The following ANXA7 variants were observed in gnomAD, a reference collection of about 807,000 sequenced individuals.
The protein encoded by ANXA7 is annexin VII.
ANXA7 carries 55 observed loss-of-function variants against 64.9 expected under a neutral mutation model. The ratio of observed to expected loss-of-function variants is 0.85; its 90% CI spans 0.68 to 1.06. The LOEUF (loss-of-function observed/expected upper bound fraction) is 1.06. ANXA7 is among the 50% of genes least tolerant of loss of function. The pLI, the probability that ANXA7 is intolerant of heterozygous loss-of-function variation, is 0.00. For synonymous variants in ANXA7, 200 were observed against 192.4 expected (o/e 1.04, Z -0.33); for missense variants, 548 against 582.1 (o/e 0.94, Z 0.60).
At chr10:73,410,566 T>C (rs1051423412) in intron 1 of ANXA7, among the ~76,000 whole-genome samples, 3 of 152,116 alleles carry the variant, frequency 2.0e-5, no homozygotes, top group African/African-American at 7.2e-5. Context: ...GGCGATCACC[T>C]GAGGTTGGGA....
At chr10:73,396,054 T>C in intron 5 of ANXA7, 1 of 1,588,842 alleles carries the variant, frequency 6.3e-7, no homozygotes, top group Non-Finnish European at 8.6e-7. Flanking sequence ...TTCACTGCTA[T>C]AATCCAAAGA....
At chr10:73,396,206 T>C in intron 5 of ANXA7, 1 of 795,234 alleles carries the variant, frequency 1.3e-6, no homozygotes, top group South Asian at 1.6e-5. Flanking sequence ...GCCACCCAAA[T>C]TCATAGGTGT....
chr10:73,411,903 G>A (rs2132708451), intron 1 of ANXA7, among the ~76,000 whole-genome samples: 1 of 151,100 alleles, frequency 6.6e-6, no homozygotes, highest in South Asian at 2.1e-4. Flanking sequence ...AAACTGCATA[G>A]TGTGCTGCCA....
At chr10:73,402,675 GT>G (rs1187306047) in intron 1 of ANXA7, among the ~76,000 whole-genome samples, 1 of 152,136 alleles carries the variant, frequency 6.6e-6, no homozygotes, top group African/African-American at 2.4e-5. Context: ...AACAAGATAT[GT>G]TCAGAAACCT....
At chr10:73,382,585 A>G (rs2055292985) in intron 9 of ANXA7, among the ~76,000 whole-genome samples, 1 of 152,156 alleles carries the variant, frequency 6.6e-6, no homozygotes, top group African/African-American at 2.4e-5. Context: ...GCCTCAAGCA[A>G]TCCTCCTGCC....
chr10:73,376,616 A>G (rs915368820), intron 12 of ANXA7, among the ~76,000 whole-genome samples: 10 of 152,208 alleles, frequency 6.6e-5, no homozygotes, highest in Non-Finnish European at 1.5e-4. Flanking sequence ...AATTCCTCAA[A>G]GCAAAACAAA....
At chr10:73,402,384 T>C (rs147408136) in intron 1 of ANXA7, among the ~76,000 whole-genome samples, 1,910 of 151,942 alleles carry the variant, frequency 0.013, 16 homozygotes, top group Middle Eastern at 0.024. Flanking sequence ...ATTTTTTTTG[T>C]AGAGATGGGG....
intron 1 of ANXA7, among the ~76,000 whole-genome samples, chr10:73,407,508 G>C (rs535024359): frequency 1.3e-5 from 2 of 152,148 alleles, no homozygotes; most frequent in East Asian, 3.9e-4. Context: ...GCAGGTCTGT[G>C]ATTCACACTC....
At chr10:73,413,308 T>G (rs2055873007) in intron 1 of ANXA7, among the ~76,000 whole-genome samples, 1 of 152,190 alleles carries the variant, frequency 6.6e-6, no homozygotes, top group Non-Finnish European at 1.5e-5. Flanking sequence ...GCAGATTAGC[T>G]GGCCATCAGC....
intron 11 of ANXA7, among the ~76,000 whole-genome samples, chr10:73,379,247 G>A (rs1315387225): frequency 6.6e-6 from 1 of 152,156 alleles, no homozygotes; most frequent in East Asian, 1.9e-4. Context: ...ATGGCTGACT[G>A]TAGCCTCCCA....
chr10:73,378,897 G>T lies in ANXA7; in HGVS notation c.1278+14C>A, dbSNP rs1645821591. The T allele has an allele frequency of 6.3e-7, 1 of 1,593,528 alleles. No individual in the cohort carries two copies. The highest frequency in any genetic ancestry group is 1.3e-5 in the African/African-American group (1 of 74,418). ...TCAAGTAAGACCCGACAAAAAGAGA[G>T]AGGCCTGCCTCACCTCACTTCGAGT... On this transcript the variant is annotated intron_variant, in intron 12 of 12. Transcript: ENST00000372921.
At chr10:73,410,480 A>G (rs1020643754) in intron 1 of ANXA7, among the ~76,000 whole-genome samples, 8 of 152,122 alleles carry the variant, frequency 5.3e-5, no homozygotes, top group African/African-American at 1.9e-4. Flanking sequence ...AGGAATGGTT[A>G]TTCTTAAAAA....
intron 1 of ANXA7, among the ~76,000 whole-genome samples, chr10:73,413,671 C>A (rs1398764168): frequency 6.6e-6 from 1 of 152,256 alleles, no homozygotes; most frequent in Admixed American, 6.5e-5. Flanking sequence ...CAGCACTGCC[C>A]GTGCGTTTCC....
At position 73,400,809 on chromosome 10, in the gene ANXA7, T is replaced by C. The variant is rs2055649234; in HGVS notation, c.48A>G (p.Gly16=). 1 of 1,605,934 alleles carries C rather than the reference T, an allele frequency of 6.2e-7. No individual in the cohort carries two copies. The highest frequency in any genetic ancestry group is 8.5e-7 in the Non-Finnish European group (1 of 1,175,390). Residue 16 remains glycine, a synonymous_variant, in exon 2 of 13, where the codon GGA becomes GGG. Transcript: ENST00000372921. ...YPPTGYPPFP[G]YPPAGQESSF... ...ATTAAGTGGCAATACTTACAGGATA[T>C]CCAGGGAAAGGTGGGTAGCCTGTTG...
At position 73,376,193 on chromosome 10, in the gene ANXA7, T is replaced by A. The variant is rs554728541; in HGVS notation, c.1303A>T (p.Met435Leu). The change falls in exon 13 of 13, where the codon ATG becomes TTG. Residue 435 changes from methionine (M) to leucine (L), a missense_variant. Transcript: ENST00000372921. The part of the protein sequence containing the change: ...SEIDLVQIKQ[M>L]FAQMYQKTLG... ...GTCTTCTGATACATCTGAGCGAACA[T>A]CTGTTTTATTTGTACAAGGTCAATC... 54 of 1,594,422 alleles carry A rather than the reference T, an allele frequency of 3.4e-5. No homozygotes were observed. In the East Asian group the frequency reaches 6.8e-4, roughly 20 times the overall value.
intron 7 of ANXA7, among the ~76,000 whole-genome samples, chr10:73,385,699 A>T (rs932633882): frequency 6.6e-6 from 1 of 152,164 alleles, no homozygotes; most frequent in African/African-American, 2.4e-5. Context: ...ACTAGATAAA[A>T]AATTCATAAC....
In ANXA7 at chr10:73,378,947, G is replaced by A. The variant is rs748947526; in HGVS notation, c.1242C>T (p.Asp414=). 6.2e-6 allele frequency: 10 copies of A among 1,613,736 alleles called. No individual in the cohort carries two copies. The South Asian group carries it at 8.8e-5, about 14-fold the overall frequency. The part of the protein sequence containing the change: ...YYAMKGAGTD[D]STLVRIVVTR... The stretch of plus-strand genomic sequence containing the variant: ...TGACCACAATCCGGACCAGGGTGGA[G>A]TCATCTGTGCCAGCACCTTTCATAG... The change falls in exon 12 of 13, where the codon GAC becomes GAT. Residue 414 remains aspartate, a synonymous_variant. Coordinates refer to ENST00000372921, the MANE Select transcript of ANXA7 (RefSeq NM_001156.5).
chr10:73,399,439 T>C (rs2055624769), intron 2 of ANXA7, among the ~76,000 whole-genome samples: 1 of 152,188 alleles, frequency 6.6e-6, no homozygotes, highest in Non-Finnish European at 1.5e-5. Context: ...ATAATCACTT[T>C]GCATAAGGAT....
chr10:73,386,794 A>T (rs1036674267), intron 7 of ANXA7, among the ~76,000 whole-genome samples: 22 of 152,114 alleles, frequency 1.4e-4, no homozygotes, highest in Non-Finnish European at 8.8e-5. Flanking sequence ...CAGCCTCCCA[A>T]GCAGCTGGGA....
Sources: allele counts gnomAD v4.1 joint callset (sites outside exome capture counted in the v4.1 genomes callset), GRCh38; gene constraint gnomAD v4.1.1; transcripts MANE v1.5; gene names NCBI Gene and HGNC (gene_info 2026-07-23, HGNC 2026-07-21).